ANTXR1: variants seen among roughly 807,000 people sequenced by gnomAD.
ANTXR1 encodes ANTXR cell adhesion molecule 1.
Under a neutral mutation model 78.1 loss-of-function variants are expected in ANTXR1, and 19 were observed. The observed-to-expected ratio is 0.24, with a 90% CI of 0.17 to 0.36. The LOEUF (loss-of-function observed/expected upper bound fraction) is 0.36. Among genes scored for constraint, ANTXR1 ranks in the 10% least tolerant of loss-of-function variants. ANTXR1 has a pLI of 1.00. For synonymous variants in ANTXR1, 273 were observed against 260.5 expected, an observed-to-expected ratio of 1.05 and a Z score of -0.46; for missense variants, 518 against 718.6, an observed-to-expected ratio of 0.72 and a Z score of 3.19.
intron 13 of ANTXR1, among the ~76,000 whole-genome samples, chr2:69,163,784 A>T (rs1673749846): frequency 1.3e-5 from 2 of 152,198 alleles, no homozygotes; most frequent in African/African-American, 4.8e-5. Context: ...TCCCCAGGTC[A>T]CTACTGGTGG....
Position 69,044,829 on chromosome 2 carries a change from A to C in ANTXR1, c.296+16A>C. The C allele has an allele frequency of 6.2e-7, 1 of 1,613,000 alleles. No individual in the cohort carries two copies. The highest frequency in any genetic ancestry group is 8.5e-7 in the Non-Finnish European group (1 of 1,179,090). ...CAGAAGACAGGTAAGGATACTTCTT[A>C]TCTCTGTTGTTAAAAAGTCCATCAC... On this transcript the variant is annotated intron_variant, in intron 3 of 17. Coordinates refer to ENST00000303714, the MANE Select transcript of ANTXR1 (RefSeq NM_032208.3).
At chr2:69,168,581 TCTCA>T (rs929019514) in intron 13 of ANTXR1, among the ~76,000 whole-genome samples, 10 of 152,104 alleles carry the variant, frequency 6.6e-5, no homozygotes, top group Non-Finnish European at 1.3e-4. Flanking sequence ...CTGTTCCCCC[TCTCA>T]CTCCCTTCCC....
intron 7 of ANTXR1, among the ~76,000 whole-genome samples, chr2:69,076,478 G>C: frequency 6.6e-6 from 1 of 152,252 alleles, no homozygotes; most frequent in East Asian, 1.9e-4. Context: ...GTAGTTCATC[G>C]TTTCTTTTTG....
chr2:69,028,042 A>G (rs534452518), intron 1 of ANTXR1, among the ~76,000 whole-genome samples: 1 of 152,340 alleles, frequency 6.6e-6, no homozygotes, highest in Admixed American at 6.5e-5. Context: ...AGGAATTCTC[A>G]TAATTTCAGG....
chr2:69,213,117 T>G (rs1675087968), intron 17 of ANTXR1, among the ~76,000 whole-genome samples: 1 of 151,950 alleles, frequency 6.6e-6, no homozygotes, highest in Non-Finnish European at 1.5e-5. Context: ...GCTATTACTG[T>G]TAAACAAAAT....
chr2:69,113,783 T>A (rs2104350279), intron 10 of ANTXR1, among the ~76,000 whole-genome samples: 1 of 152,354 alleles, frequency 6.6e-6, no homozygotes, highest in East Asian at 1.9e-4. Flanking sequence ...ACCTTGTGCA[T>A]GAATCCTGAA....
intron 13 of ANTXR1, among the ~76,000 whole-genome samples, chr2:69,169,227 G>T (rs1340473772): frequency 6.6e-6 from 1 of 152,238 alleles, no homozygotes; most frequent in Non-Finnish European, 1.5e-5. Flanking sequence ...CAACTACAAA[G>T]GCAGCACCTG....
chr2:69,096,171 T>C (rs1036784971), intron 9 of ANTXR1, among the ~76,000 whole-genome samples: 60 of 151,072 alleles, frequency 4.0e-4, no homozygotes, highest in Non-Finnish European at 6.8e-4. Context: ...GGCAGGAGAA[T>C]GGCATGAACC....
chr2:69,189,584 C>T (rs1037269711), intron 16 of ANTXR1, among the ~76,000 whole-genome samples: 3 of 152,152 alleles, frequency 2.0e-5, no homozygotes, highest in Non-Finnish European at 4.4e-5. Flanking sequence ...AAACTATTCC[C>T]AGAATGAGTG....
intron 17 of ANTXR1, among the ~76,000 whole-genome samples, chr2:69,194,055 T>C (rs1674606487): frequency 6.6e-6 from 1 of 152,236 alleles, no homozygotes; most frequent in Non-Finnish European, 1.5e-5. Context: ...AGCCCATGGC[T>C]TCATTTTGTA....
At chr2:69,074,798 C>CGCTCTATCAGCAAACTGATA (rs1462661578) in intron 6 of ANTXR1, among the ~76,000 whole-genome samples, 4 of 152,214 alleles carry the variant, frequency 2.6e-5, no homozygotes, top group Non-Finnish European at 4.4e-5. Context: ...ATTGAGCACT[C>CGCTCTATCAGCAAACTGATA]GCTCTATGTT....
chr2:69,082,558 C>T (rs1291898236), intron 8 of ANTXR1, among the ~76,000 whole-genome samples: 1 of 152,114 alleles, frequency 6.6e-6, no homozygotes, highest in Non-Finnish European at 1.5e-5. Flanking sequence ...CAGCAAGGCT[C>T]CTGGGTCTTT....
intron 10 of ANTXR1, among the ~76,000 whole-genome samples, chr2:69,114,325 G>A (rs1051795722): frequency 1.3e-5 from 2 of 152,218 alleles, no homozygotes; most frequent in Non-Finnish European, 2.9e-5. Context: ...TGAGAAGGCA[G>A]ACCAGCTGTG....
chr2:69,067,711 C>T (rs553303942), intron 3 of ANTXR1, among the ~76,000 whole-genome samples: 4 of 152,244 alleles, frequency 2.6e-5, no homozygotes, highest in African/African-American at 7.2e-5. Context: ...CCAGCCTCCC[C>T]GTCATGTCCC....
chr2:69,070,094 A>T (rs573219817), intron 3 of ANTXR1, among the ~76,000 whole-genome samples: 2 of 152,334 alleles, frequency 1.3e-5, no homozygotes, highest in African/African-American at 4.8e-5. Context: ...TTGAACAATC[A>T]GAGTAAGAAA....
intron 3 of ANTXR1, among the ~76,000 whole-genome samples, chr2:69,051,908 C>T (rs1233666288): frequency 6.6e-6 from 1 of 152,036 alleles, no homozygotes; most frequent in Non-Finnish European, 1.5e-5. Flanking sequence ...TATTATTAAA[C>T]TTGAATTTTG....
At chr2:69,174,772 G>A (rs1205612126) in intron 14 of ANTXR1, among the ~76,000 whole-genome samples, 1 of 152,182 alleles carries the variant, frequency 6.6e-6, no homozygotes, top group East Asian at 1.9e-4. Flanking sequence ...GTTAATTACT[G>A]AAGATGACAT....
chr2:69,242,167 C>T (rs1395374598), intron 17 of ANTXR1, among the ~76,000 whole-genome samples: 1 of 152,134 alleles, frequency 6.6e-6, no homozygotes, highest in Non-Finnish European at 1.5e-5. Flanking sequence ...CTCTTTGCCT[C>T]CACCATCACC....
chr2:69,236,665 T>C (rs1675771776), intron 17 of ANTXR1, among the ~76,000 whole-genome samples: 6 of 152,240 alleles, frequency 3.9e-5, no homozygotes, highest in Admixed American at 3.9e-4. Flanking sequence ...AATTGACAGA[T>C]GTATGAAAAT....
Sources: allele counts gnomAD v4.1 joint callset (sites outside exome capture counted in the v4.1 genomes callset), GRCh38; gene constraint gnomAD v4.1.1; transcripts MANE v1.5; gene names NCBI Gene and HGNC (gene_info 2026-07-23, HGNC 2026-07-21).